The following PGPEP1L variants were observed in gnomAD, a reference collection of about 807,000 sequenced individuals.
The protein encoded by PGPEP1L is pyroglutamyl-peptidase I like.
PGPEP1L carries 7 observed loss-of-function variants against 6.0 expected under a neutral mutation model. The ratio of observed to expected loss-of-function variants is 1.17; its 90% confidence interval spans 0.66 to 2.19. The LOEUF (loss-of-function observed/expected upper bound fraction) is 2.19, where lower values mean the gene tolerates loss of function less well. Ranked by LOEUF, PGPEP1L falls within the 30% of genes most tolerant of loss-of-function variation. The probability of loss-of-function intolerance (pLI) is 0.00; values close to 1 mark genes in which losing one functional copy is unlikely to be tolerated. For synonymous variants in PGPEP1L, 103 were observed against 83.9 expected (o/e 1.23, Z -1.24); for missense variants, 209 against 192.5 (o/e 1.09, Z -0.51).
intron 2 of PGPEP1L, among the ~76,000 whole-genome samples, chr15:98,998,997 T>G (rs1596527172): frequency 6.6e-6 from 1 of 152,028 alleles, no homozygotes; most frequent in Non-Finnish European, 1.5e-5. Context: ...AAAACTAAGT[T>G]TTTTGGGGGG....
Position 98,980,707 on chromosome 15 carries a change from G to A in PGPEP1L, c.-141-9549C>T, listed in dbSNP as rs1048525531. ...AGCACTTTGGGAGGCCGAGGTGGAC[G>A]GATCACCTGAGGTCAGGAGTTTGAG... On this transcript the variant is annotated intron_variant, in intron 2 of 4. Transcript: ENST00000535714. Among the ~76,000 whole-genome samples the A allele has an allele frequency of 9.2e-5, 14 of 152,110 alleles. 1 individual carries two copies. Among genetic ancestry groups the A allele is most frequent in the Admixed American group, 5.9e-4 (9 of 15,274 alleles).
At chr15:98,977,723 A>ATCCT (rs2017590955) in intron 2 of PGPEP1L, among the ~76,000 whole-genome samples, 1 of 152,204 alleles carries the variant, frequency 6.6e-6, no homozygotes, top group Non-Finnish European at 1.5e-5. Flanking sequence ...AGTCTGCTGT[A>ATCCT]TCCTTTTTGG....
Position 98,968,492 on chromosome 15 carries a change from C to G in PGPEP1L, c.415G>C (p.Ala139Pro). 6.2e-7 allele frequency: 1 copy of G among 1,613,324 alleles called. No homozygotes were observed. The change falls in exon 5 of 5, where the codon GCC becomes CCC. Residue 139 changes from alanine to proline, a missense_variant. Coordinates refer to ENST00000535714, the MANE Select transcript of PGPEP1L (RefSeq NM_001167902.2). Reference sequence around the variant, plus strand: ...CAATCCCCCGGTCAGTTCCCTTTGGCTGGAAGGACCATGGTTGAGTTTTCT... The same window carrying G: ...CAATCCCCCGGTCAGTTCCCTTTGGGTGGAAGGACCATGGTTGAGTTTTCT... ...FEENSTMVLPAKGN is the reference protein window; with the variant it reads ...FEENSTMVLPPKGN
chr15:98,999,093 A>G (rs2017925400), intron 2 of PGPEP1L, among the ~76,000 whole-genome samples: 1 of 152,232 alleles, frequency 6.6e-6, no homozygotes, highest in African/African-American at 2.4e-5. Flanking sequence ...AATAATTAAC[A>G]AACTAGATTC....
intron 2 of PGPEP1L, among the ~76,000 whole-genome samples, chr15:99,000,444 CAGGGTAA>C (rs782336748): frequency 2.6e-5 from 4 of 152,240 alleles, no homozygotes; most frequent in Admixed American, 6.5e-5. Context: ...GCGGGATCCA[CAGGGTAA>C]AGCCAGCTGG....
intron 4 of PGPEP1L, 62 bp from the exon 5 acceptor site, chr15:98,968,759 C>T (rs754009145): frequency 4.7e-5 from 69 of 1,468,382 alleles, no homozygotes; most frequent in Non-Finnish European, 5.8e-5. Flanking sequence ...GTGAAACATA[C>T]GCAGAAGTGG....
chr15:98,988,442 T>A (rs1004236395), intron 2 of PGPEP1L, among the ~76,000 whole-genome samples: 4 of 151,876 alleles, frequency 2.6e-5, no homozygotes, highest in Non-Finnish European at 5.9e-5. Flanking sequence ...CCTCTCTAGA[T>A]CCCTCCTCTC....
At chr15:98,988,785 G>A (rs1292350725) in intron 2 of PGPEP1L, among the ~76,000 whole-genome samples, 1 of 152,288 alleles carries the variant, frequency 6.6e-6, no homozygotes, top group East Asian at 1.9e-4. Flanking sequence ...CGAAGCTTCA[G>A]GCGGCAATCT....
chr15:99,001,674 G>A (rs2017972330), intron 2 of PGPEP1L, among the ~76,000 whole-genome samples: 3 of 149,864 alleles, frequency 2.0e-5, no homozygotes, highest in African/African-American at 4.9e-5. Context: ...ATCTCAAAAG[G>A]ACATGTACTG....
intron 2 of PGPEP1L, among the ~76,000 whole-genome samples, chr15:98,991,346 T>C (rs1026209905): frequency 3.9e-5 from 6 of 152,036 alleles, no homozygotes; most frequent in Non-Finnish European, 1.5e-5. Context: ...ACATATAAAC[T>C]AGAAAATATA....
intron 2 of PGPEP1L, among the ~76,000 whole-genome samples, chr15:98,994,052 G>A (rs1330364006): frequency 2.6e-5 from 4 of 152,066 alleles, no homozygotes; most frequent in Non-Finnish European, 4.4e-5. Flanking sequence ...TGGATCATGA[G>A]GTCAGGAGAT....
intron 2 of PGPEP1L, among the ~76,000 whole-genome samples, chr15:98,975,968 T>C (rs1317584268): frequency 6.6e-6 from 1 of 151,624 alleles, no homozygotes; most frequent in African/African-American, 2.4e-5. Flanking sequence ...TAAGCCAGAT[T>C]AAAAAAAAGA....
At chr15:99,001,226 C>T (rs2017964418) in intron 2 of PGPEP1L, 3 of 406,250 alleles carry the variant, frequency 7.4e-6, no homozygotes, top group South Asian at 5.2e-5. Context: ...TCAGTGAGAC[C>T]AACAACCCAC....
At chr15:98,992,679 T>C (rs900681811) in intron 2 of PGPEP1L, among the ~76,000 whole-genome samples, 3 of 152,062 alleles carry the variant, frequency 2.0e-5, no homozygotes, top group African/African-American at 7.2e-5. Flanking sequence ...AGGCATCACA[T>C]TACCTGACTT....
chr15:98,993,760 C>T (rs567864879), intron 2 of PGPEP1L, among the ~76,000 whole-genome samples: 58 of 151,650 alleles, frequency 3.8e-4, no homozygotes, highest in Non-Finnish European at 7.5e-4. Context: ...CACCATGGCA[C>T]GTGTATACCT....
chr15:98,987,676 T>C (rs1236076759), intron 2 of PGPEP1L, among the ~76,000 whole-genome samples: 1 of 152,164 alleles, frequency 6.6e-6, no homozygotes, highest in Non-Finnish European at 1.5e-5. Context: ...CTACTTCTAC[T>C]CTTTAATAGT....
chr15:98,983,942 T>G (rs1381396108), intron 2 of PGPEP1L, among the ~76,000 whole-genome samples: 1 of 152,034 alleles, frequency 6.6e-6, no homozygotes, highest in Non-Finnish European at 1.5e-5. Flanking sequence ...AAATTGAACA[T>G]TTTTTTCCTT....
At chr15:98,982,113 A>G (rs1013997366) in intron 2 of PGPEP1L, among the ~76,000 whole-genome samples, 2 of 152,220 alleles carry the variant, frequency 1.3e-5, no homozygotes, top group African/African-American at 4.8e-5. Flanking sequence ...AGCAGAAAAA[A>G]TATGTTTCCT....
intron 2 of PGPEP1L, among the ~76,000 whole-genome samples, chr15:98,982,558 C>G (rs1156558662): frequency 6.6e-6 from 1 of 151,998 alleles, no homozygotes; most frequent in Non-Finnish European, 1.5e-5. Flanking sequence ...ACCGTGGAGG[C>G]CAATGTTCAG....
Sources: allele counts gnomAD v4.1 joint callset (sites outside exome capture counted in the v4.1 genomes callset), GRCh38; gene constraint gnomAD v4.1.1; transcripts MANE v1.5; gene names NCBI Gene and HGNC (gene_info 2026-07-23, HGNC 2026-07-21).